The following CDH7 variants were observed in gnomAD, a reference collection of about 807,000 sequenced individuals.
CDH7 encodes cadherin 7.
CDH7 carries 25 observed loss-of-function variants against 71.8 expected under a neutral mutation model. The observed-to-expected ratio is 0.35, with a 90% CI of 0.25 to 0.49. The LOEUF is 0.49. Among genes scored for constraint, CDH7 ranks in the 20% least tolerant of loss-of-function variants. The probability of loss-of-function intolerance (pLI) is 0.99; values close to 1 mark genes in which losing one functional copy is unlikely to be tolerated. For missense variants in CDH7, 862 were observed against 974.6 expected (o/e 0.88, Z 1.54); for synonymous variants, 381 against 363.8 (o/e 1.05, Z -0.54).
At chr18:65,788,203 A>G (rs1408085486) in intron 2 of CDH7, among the ~76,000 whole-genome samples, 1 of 152,222 alleles carries the variant, frequency 6.6e-6, no homozygotes, top group Non-Finnish European at 1.5e-5. Context: ...CTTGCAAAGC[A>G]TGGGCTAAAA....
intron 11 of CDH7, among the ~76,000 whole-genome samples, chr18:65,869,251 C>A (rs749080202): frequency 1.3e-5 from 2 of 150,944 alleles, no homozygotes; most frequent in Middle Eastern, 3.4e-3. Flanking sequence ...TGAATTGTGG[C>A]AACTCTACCA....
rs1911802930 is a variant in CDH7 at position 65,818,513 on chromosome 18, G to A, written c.626-3568G>A. ...TCTTTAATAGCAAAACATCATATTG[G>A]AATTTTCTTCCTGAATATGTACTAT... On this transcript the variant is annotated intron_variant, in intron 4 of 11. Coordinates refer to ENST00000397968, the MANE Select transcript of CDH7 (RefSeq NM_004361.5). Among the ~76,000 whole-genome samples, 3 of 152,056 alleles carry A rather than the reference G, an allele frequency of 2.0e-5. 1 individual carries two copies. Among genetic ancestry groups the A allele is most frequent in the Admixed American group, 2.0e-4 (3 of 15,254 alleles).
At chr18:65,811,016 T>A (rs912563487) in intron 3 of CDH7, among the ~76,000 whole-genome samples, 1 of 152,114 alleles carries the variant, frequency 6.6e-6, no homozygotes, top group African/African-American at 2.4e-5. Context: ...ACAGCAAGTA[T>A]GTAATTTAAG....
intron 1 of CDH7, among the ~76,000 whole-genome samples, chr18:65,758,935 TA>T: frequency 6.7e-6 from 1 of 150,244 alleles, no homozygotes; most frequent in South Asian, 2.1e-4. Flanking sequence ...GGTTTATGTT[TA>T]TACTAGCTGC....
chr18:65,837,784 G>C (rs1175592044), intron 6 of CDH7, among the ~76,000 whole-genome samples: 2 of 151,216 alleles, frequency 1.3e-5, no homozygotes, highest in African/African-American at 4.9e-5. Context: ...CATAATAAAG[G>C]GGATGTATTT....
intron 7 of CDH7, among the ~76,000 whole-genome samples, chr18:65,857,049 G>A (rs1913384904): frequency 6.6e-6 from 1 of 151,516 alleles, no homozygotes; most frequent in Non-Finnish European, 1.5e-5. Flanking sequence ...GTTAATAACA[G>A]GTTGGTGCCG....
chr18:65,848,963 T>G (rs560242896), intron 7 of CDH7, among the ~76,000 whole-genome samples: 22 of 152,192 alleles, frequency 1.4e-4, no homozygotes, highest in Admixed American at 1.2e-3. Flanking sequence ...TAATTCAGTG[T>G]GTATTTTTTA....
chr18:65,776,222 C>A (rs1241889259), intron 2 of CDH7, among the ~76,000 whole-genome samples: 4 of 151,684 alleles, frequency 2.6e-5, no homozygotes, highest in African/African-American at 4.8e-5. Context: ...CCCACTGTGC[C>A]CAGCAAATAA....
Position 65,862,712 on chromosome 18 carries a change from G to A in CDH7, c.1659G>A (p.Gln553=), listed in dbSNP as rs1253013649. Residue 553 remains glutamine (Q), a synonymous_variant, in exon 11 of 12, where the codon CAG becomes CAA. Coordinates refer to ENST00000397968, the MANE Select transcript of CDH7 (RefSeq NM_004361.5). Reference sequence around the variant, plus strand: ...CCAGGAGAAACGGCTTCCGGAGACAGGAACAATCAGTTTACTATCTGCCAA... The same window carrying A: ...CCAGGAGAAACGGCTTCCGGAGACAAGAACAATCAGTTTACTATCTGCCAA... ...ILTRRNGFRR[Q]EQSVYYLPIF... 6.2e-7 allele frequency: 1 copy of A among 1,614,148 alleles called. No individual in the cohort carries two copies. Among genetic ancestry groups the A allele is most frequent in the Non-Finnish European group, 8.5e-7 (1 of 1,180,016 alleles).
At chr18:65,802,309 G>A (rs1030554986) in intron 2 of CDH7, among the ~76,000 whole-genome samples, 8 of 152,108 alleles carry the variant, frequency 5.3e-5, no homozygotes, top group African/African-American at 1.4e-4. Context: ...TTTCTTAGAT[G>A]AAAAAATCAG....
intron 6 of CDH7, among the ~76,000 whole-genome samples, chr18:65,836,139 A>G (rs12959178): frequency 6.6e-6 from 1 of 152,228 alleles, no homozygotes; most frequent in African/African-American, 2.4e-5. Flanking sequence ...AAGCTCTGCC[A>G]ACACCTTGAT....
chr18:65,839,275 A>G (rs752107570), intron 6 of CDH7, among the ~76,000 whole-genome samples: 1 of 152,202 alleles, frequency 6.6e-6, no homozygotes, highest in Non-Finnish European at 1.5e-5. Flanking sequence ...TATTTCTCAC[A>G]GCTGTGGAGG....
chr18:65,855,352 G>GAA (rs71167163), intron 7 of CDH7, among the ~76,000 whole-genome samples: 21 of 145,186 alleles, frequency 1.4e-4, no homozygotes, highest in Middle Eastern at 3.5e-3. Flanking sequence ...ATTGACAAAG[G>GAA]AAAAAAAAAA....
intron 3 of CDH7, among the ~76,000 whole-genome samples, chr18:65,812,756 G>A (rs1254592899): frequency 1.3e-5 from 2 of 152,102 alleles, no homozygotes; most frequent in African/African-American, 4.8e-5. Flanking sequence ...AGAAAAAAAT[G>A]TGTTATTGTA....
At chr18:65,865,911 A>C (rs1443609370) in intron 11 of CDH7, 1 of 152,154 alleles carries the variant, frequency 6.6e-6, no homozygotes, top group Non-Finnish European at 1.5e-5. Flanking sequence ...TTGTAACTCA[A>C]ACCTTTTAAG....
chr18:65,859,765 T>G lies in CDH7; in HGVS notation c.1552T>G (p.Tyr518Asp), dbSNP rs1177335224. The G allele has an allele frequency of 6.2e-7, 1 of 1,612,620 alleles. No individual in the cohort carries two copies. The highest frequency in any genetic ancestry group is 1.7e-5 in the Admixed American group (1 of 59,984). Residue 518 changes from tyrosine to aspartate, a missense_variant, in exon 10 of 12, where the codon TAC becomes GAC. Tyr to Asp is a radical substitution (Grantham distance 160). Transcript: ENST00000397968. ...TGAGCCATCCAATGGACACCAGTTT[T>G]ACTTCAGCTTAACAACGGATGCAAC... The part of the protein sequence containing the change: ...KDEPSNGHQF[Y>D]FSLTTDATNN...
At chr18:65,798,175 T>A (rs1275624625) in intron 2 of CDH7, among the ~76,000 whole-genome samples, 1 of 152,200 alleles carries the variant, frequency 6.6e-6, no homozygotes, top group African/African-American at 2.4e-5. Context: ...CTCTTGGGAT[T>A]GGTCCATTCA....
chr18:65,860,425 C>T (rs1182132014), intron 10 of CDH7, among the ~76,000 whole-genome samples: 1 of 152,030 alleles, frequency 6.6e-6, no homozygotes, highest in Non-Finnish European at 1.5e-5. Context: ...TCCTAAATAT[C>T]ATTATAGTAA....
intron 7 of CDH7, among the ~76,000 whole-genome samples, chr18:65,855,485 A>T (rs1212953871): frequency 6.7e-6 from 1 of 150,106 alleles, no homozygotes; most frequent in African/African-American, 2.4e-5. Flanking sequence ...ATTTCAATGA[A>T]ATTAGGCAAT....
Sources: allele counts gnomAD v4.1 joint callset (sites outside exome capture counted in the v4.1 genomes callset), GRCh38; gene constraint gnomAD v4.1.1; transcripts MANE v1.5; gene names NCBI Gene and HGNC (gene_info 2026-07-23, HGNC 2026-07-21).